The following ACACB variants were observed in gnomAD, a reference collection of about 807,000 sequenced individuals.
The protein encoded by ACACB is acetyl-CoA carboxylase beta, also known as acetyl-CoA carboxylase 2.
Under a neutral mutation model 278.8 loss-of-function variants are expected in ACACB, and 209 were observed. That is an observed-to-expected ratio of 0.75 (90% CI 0.67 to 0.84). ACACB has a LOEUF of 0.84. Among genes scored for constraint, ACACB ranks in the 40% least tolerant of loss-of-function variants. The pLI is 0.00. For synonymous variants in ACACB, 1,174 were observed against 1,285.6 expected (o/e 0.91, Z 1.86); for missense variants, 2,850 against 3,269.0 (o/e 0.87, Z 3.13).
At chr12:109,147,881 A>G (rs16939985) in intron 2 of ACACB, among the ~76,000 whole-genome samples, 23,792 of 152,254 alleles carry the variant, frequency 0.16, 2,111 homozygotes, top group East Asian at 0.25. Context: ...TAGGCATTTT[A>G]TAGTTGTTGC....
chr12:109,117,469 G>T (rs551601553), intron 1 of ACACB, among the ~76,000 whole-genome samples: 2 of 152,072 alleles, frequency 1.3e-5, no homozygotes, highest in Non-Finnish European at 2.9e-5. Flanking sequence ...TTTCAATGTT[G>T]AAAAAATGCA....
chr12:109,146,132 T>C (rs777094599), intron 2 of ACACB, among the ~76,000 whole-genome samples: 2 of 152,258 alleles, frequency 1.3e-5, no homozygotes, highest in Non-Finnish European at 2.9e-5. Context: ...AGGTTTAAGC[T>C]AGTCCTTCCA....
intron 21 of ACACB, among the ~76,000 whole-genome samples, chr12:109,210,540 C>G (rs1210158128): frequency 6.8e-6 from 1 of 146,258 alleles, no homozygotes; most frequent in Non-Finnish European, 1.5e-5. Flanking sequence ...TGTATATATA[C>G]GTGCATGTAT....
Position 109,250,112 on chromosome 12 carries a change from T to G in ACACB, c.5790+8T>G, listed in dbSNP as rs757521369. 1.3e-6 allele frequency: 2 copies of G among 1,573,610 alleles called. No homozygotes were observed. Among genetic ancestry groups the G allele is most frequent in the South Asian group, 2.4e-5 (2 of 84,372 alleles). ...ATCGTCACCATTAGCTTGGTGAGTC[T>G]TCTTCTATTTTCTCTTACTTTTCAA... On this transcript the variant is annotated splice_region_variant and intron_variant, in intron 41 of 52. Coordinates refer to ENST00000338432, the MANE Select transcript of ACACB (RefSeq NM_001093.4).
intron 12 of ACACB, among the ~76,000 whole-genome samples, chr12:109,186,839 G>T (rs1057189635): frequency 6.6e-6 from 1 of 152,056 alleles, no homozygotes; most frequent in African/African-American, 2.4e-5. Flanking sequence ...GGAGGATGGA[G>T]GACCAGGTAT....
chr12:109,168,240 G>T (rs2043987579), intron 4 of ACACB, among the ~76,000 whole-genome samples: 1 of 152,194 alleles, frequency 6.6e-6, no homozygotes, highest in Non-Finnish European at 1.5e-5. Flanking sequence ...AATGCAGATG[G>T]TTAACATGCA....
intron 11 of ACACB, among the ~76,000 whole-genome samples, chr12:109,180,943 G>A (rs1408056080): frequency 2.6e-5 from 4 of 151,924 alleles, no homozygotes; most frequent in African/African-American, 7.3e-5. Context: ...CTACATTTTT[G>A]CGCCCATTAA....
chr12:109,244,055 T>C (rs2046875085), intron 37 of ACACB, among the ~76,000 whole-genome samples: 1 of 152,100 alleles, frequency 6.6e-6, no homozygotes, highest in South Asian at 2.1e-4. Context: ...ACAGGCAGCC[T>C]ACAGAATGGG....
At chr12:109,161,728 C>A (rs1007883942) in intron 2 of ACACB, among the ~76,000 whole-genome samples, 7 of 105,586 alleles carry the variant, frequency 6.6e-5, no homozygotes, top group African/African-American at 2.5e-4. Flanking sequence ...CAGTAGTATT[C>A]TTTTGTGTGT....
intron 52 of ACACB, among the ~76,000 whole-genome samples, chr12:109,265,822 G>T (rs1324457312): frequency 6.6e-6 from 1 of 152,274 alleles, no homozygotes; most frequent in Non-Finnish European, 1.5e-5. Context: ...GCTGGAGCAG[G>T]GTTGGTCACA....
chr12:109,240,107 A>G (rs917936174), intron 35 of ACACB, 122 bp downstream of exon 35: 1 of 1,181,998 alleles, frequency 8.5e-7, no homozygotes, highest in African/African-American at 1.6e-5. Context: ...TGCGTATCTG[A>G]GCCTCAGTTG....
intron 27 of ACACB, among the ~76,000 whole-genome samples, chr12:109,226,765 C>T (rs762044582): frequency 2.7e-5 from 4 of 150,486 alleles, no homozygotes; most frequent in East Asian, 2.0e-4. Flanking sequence ...TCCACAGCTA[C>T]GTCCGTGCTA....
At chr12:109,186,381 G>A (rs1011647546) in intron 12 of ACACB, among the ~76,000 whole-genome samples, 3 of 152,160 alleles carry the variant, frequency 2.0e-5, no homozygotes, top group Admixed American at 2.0e-4. Flanking sequence ...TCTCCCACCT[G>A]GGACCTGCTG....
intron 20 of ACACB, among the ~76,000 whole-genome samples, chr12:109,208,951 G>A (rs1229753230): frequency 1.3e-5 from 2 of 152,194 alleles, no homozygotes; most frequent in African/African-American, 4.8e-5. Flanking sequence ...CAGAGAGGGG[G>A]AGTCAGGGTC....
At position 109,255,095 on chromosome 12, in the gene ACACB, T is replaced by TACAC. The variant is rs112899240; in HGVS notation, c.6166+780_6166+783dup. ...TGGCCAATTTTACCTCTTCTATACCTACACACACACACACACACACACGCA... is the reference window on the plus strand; with the variant it reads ...TGGCCAATTTTACCTCTTCTATACCTACACACACACACACACACACACACACGCA... On this transcript the variant is annotated intron_variant, in intron 44 of 52. Transcript: ENST00000338432. Among the ~76,000 whole-genome samples, 344 of 149,234 alleles carry TACAC rather than the reference T, an allele frequency of 2.3e-3. 4 individuals carry two copies. Among genetic ancestry groups the TACAC allele is most frequent in the African/African-American group, 7.9e-3 (322 of 40,840 alleles).
chr12:109,114,963 G>T (rs954991634), upstream of ACACB, among the ~76,000 whole-genome samples: 3 of 152,176 alleles, frequency 2.0e-5, no homozygotes, highest in Non-Finnish European at 2.9e-5. Context: ...GTGTTTGATG[G>T]AAAGAGTTTA....
chr12:109,131,950 G>A (rs1224739868), intron 1 of ACACB, among the ~76,000 whole-genome samples: 1 of 152,128 alleles, frequency 6.6e-6, no homozygotes, highest in Non-Finnish European at 1.5e-5. Flanking sequence ...ATCTGCGGCT[G>A]TGTCTTAAAG....
chr12:109,249,838 A>G (rs1418733240), intron 40 of ACACB, 146 bp from the exon 41 acceptor site: 2 of 1,015,232 alleles, frequency 2.0e-6, no homozygotes, highest in Non-Finnish European at 2.8e-6. Context: ...TGAGGGTTCT[A>G]GATGCCAATT....
chr12:109,120,102 C>T (rs553793048), intron 1 of ACACB, among the ~76,000 whole-genome samples: 1 of 152,278 alleles, frequency 6.6e-6, no homozygotes, highest in South Asian at 2.1e-4. Flanking sequence ...TCCCAACTGA[C>T]CTAGAAGGCT....
Sources: gnomAD v4.1 joint callset for allele counts (sites outside exome capture counted in the v4.1 genomes callset) on GRCh38, gnomAD v4.1.1 for gene constraint, MANE v1.5 for transcripts, NCBI Gene and HGNC (gene_info 2026-07-23, HGNC 2026-07-21) for gene names.